The following SRGAP1 variants were observed in gnomAD, a reference collection of about 807,000 sequenced individuals.
The protein encoded by SRGAP1 is SLIT-ROBO Rho GTPase-activating protein 1.
Under a neutral mutation model 121.9 loss-of-function variants are expected in SRGAP1, and 43 were observed. The observed-to-expected ratio is 0.35, with a 90% CI of 0.28 to 0.46. The LOEUF (loss-of-function observed/expected upper bound fraction) is 0.46, where lower values mean the gene tolerates loss of function less well. Ranked by LOEUF, SRGAP1 falls within the 20% of genes least tolerant of loss-of-function variation. The pLI, the probability that SRGAP1 is intolerant of heterozygous loss-of-function variation, is 1.00. For missense variants in SRGAP1, 1,102 were observed against 1,350.9 expected (o/e 0.82, Z 2.89); for synonymous variants, 447 against 485.4 (o/e 0.92, Z 1.04).
chr12:63,904,922 G>C (rs1308861682), intron 1 of SRGAP1, among the ~76,000 whole-genome samples: 1 of 152,032 alleles, frequency 6.6e-6, no homozygotes, highest in Non-Finnish European at 1.5e-5. Flanking sequence ...TGACAGAGCA[G>C]GACCCTGTCT....
At chr12:63,900,855 C>T (rs2029893778) in intron 1 of SRGAP1, among the ~76,000 whole-genome samples, 1 of 152,014 alleles carries the variant, frequency 6.6e-6, no homozygotes, top group Non-Finnish European at 1.5e-5. Flanking sequence ...GGGTTTTGTA[C>T]TATCAAACCT....
intron 1 of SRGAP1, among the ~76,000 whole-genome samples, chr12:63,909,470 T>C (rs943933962): frequency 1.3e-5 from 2 of 152,258 alleles, no homozygotes; most frequent in Admixed American, 1.3e-4. Context: ...TTCAATTGTA[T>C]GTGCTTTTTC....
At chr12:64,113,094 A>T (rs1220445359) in intron 17 of SRGAP1, among the ~76,000 whole-genome samples, 1 of 151,690 alleles carries the variant, frequency 6.6e-6, no homozygotes, top group Non-Finnish European at 1.5e-5. Flanking sequence ...CAACAAAACA[A>T]GACCCTGTCT....
chr12:63,955,044 G>C (rs2032420642), intron 1 of SRGAP1, among the ~76,000 whole-genome samples: 1 of 152,234 alleles, frequency 6.6e-6, no homozygotes, highest in East Asian at 1.9e-4. Flanking sequence ...AAGGCCCGGC[G>C]CGGTGGCTCG....
intron 1 of SRGAP1, among the ~76,000 whole-genome samples, chr12:63,853,469 T>A (rs552955543): frequency 6.6e-6 from 1 of 152,366 alleles, no homozygotes; most frequent in Admixed American, 6.5e-5. Flanking sequence ...CATGCAATGT[T>A]ATGCAGTCTT....
intron 1 of SRGAP1, among the ~76,000 whole-genome samples, chr12:63,854,882 C>T (rs546668310): frequency 1.3e-5 from 2 of 152,304 alleles, no homozygotes; most frequent in South Asian, 4.1e-4. Context: ...GGTGTACTTG[C>T]TGGGTCACTG....
intron 15 of SRGAP1, among the ~76,000 whole-genome samples, chr12:64,108,265 T>C (rs1334649400): frequency 6.6e-6 from 1 of 152,162 alleles, no homozygotes; most frequent in Non-Finnish European, 1.5e-5. Flanking sequence ...ATAACACTAG[T>C]CTCAGGTAAT....
intron 1 of SRGAP1, among the ~76,000 whole-genome samples, chr12:63,977,432 C>T (rs144398821): frequency 2.0e-5 from 3 of 152,218 alleles, no homozygotes; most frequent in Non-Finnish European, 2.9e-5. Context: ...ATCACACCAG[C>T]GTATCAATTT....
chr12:64,142,057 TAGGA>T (rs909256020), intron 21 of SRGAP1, among the ~76,000 whole-genome samples: 8 of 152,178 alleles, frequency 5.3e-5, no homozygotes, highest in Non-Finnish European at 8.8e-5. Context: ...CTTAGGGCCT[TAGGA>T]AGGCCATTGT....
chr12:63,846,715 G>A (rs1898913672), intron 1 of SRGAP1, among the ~76,000 whole-genome samples: 1 of 152,054 alleles, frequency 6.6e-6, no homozygotes, highest in South Asian at 2.1e-4. Context: ...AGTCTTCACT[G>A]CACCTGCCCT....
rs540873699 is a variant in SRGAP1, at chr12:63,855,269, C to T, written c.67+10386C>T. On this transcript the variant is annotated intron_variant, in intron 1 of 21. Transcript: ENST00000355086. ...ATCAGCCTTAAGGAGCACATGTCCA[C>T]GGTTTTCAAACCCAGCCCTTACTAG... is the stretch of plus-strand genomic sequence containing the variant. Among the ~76,000 whole-genome samples the T allele has an allele frequency of 1.1e-3, 168 of 152,162 alleles. 1 individual carries two copies. Among genetic ancestry groups the T allele is most frequent in the African/African-American group, 3.6e-3 (151 of 41,514 alleles).
At chr12:64,003,397 T>C (rs1485998174) in intron 3 of SRGAP1, among the ~76,000 whole-genome samples, 1 of 151,344 alleles carries the variant, frequency 6.6e-6, no homozygotes, top group Non-Finnish European at 1.5e-5. Context: ...ACAAAGACTT[T>C]TAATAAAGCA....
In SRGAP1 at chr12:64,152,976, C is replaced by G. The variant is rs2037133644; in HGVS notation, c.*10304C>G. On this transcript the variant is annotated 3_prime_UTR_variant, in exon 22 of 22. Transcript: ENST00000355086. ...AACAGCTAAACCGGCAAAATAATTTCAGGTGTTGATAACTGCTACAAAAAG... is the reference window on the plus strand; with the variant it reads ...AACAGCTAAACCGGCAAAATAATTTGAGGTGTTGATAACTGCTACAAAAAG... The G allele has an allele frequency of 7.0e-6, 1 of 143,582 alleles. No individual in the cohort carries two copies. Among genetic ancestry groups the G allele is most frequent in the African/African-American group, 2.6e-5 (1 of 38,392 alleles). The allele number at this position is 143,582 out of a possible 1,614,324, so 8.9% of individuals were successfully genotyped here.
intron 1 of SRGAP1, among the ~76,000 whole-genome samples, chr12:63,971,336 C>T (rs2032941729): frequency 6.6e-6 from 1 of 152,094 alleles, no homozygotes. Context: ...CTGGGAGGCC[C>T]CAAGGTAAAG....
At chr12:64,065,992 T>G (rs546035283) in intron 8 of SRGAP1, among the ~76,000 whole-genome samples, 6 of 152,120 alleles carry the variant, frequency 3.9e-5, no homozygotes, top group Admixed American at 3.9e-4. Context: ...ATTAACTTAC[T>G]TGAATTCACG....
intron 1 of SRGAP1, among the ~76,000 whole-genome samples, chr12:63,870,791 T>TCACAATATTCCTC (rs1375077523): frequency 6.6e-6 from 1 of 152,116 alleles, no homozygotes; most frequent in Non-Finnish European, 1.5e-5. Context: ...TCCGCCTGCC[T>TCACAATATTCCTC]CACAATATTC....
At chr12:64,137,557 T>C (rs2036875358) in intron 21 of SRGAP1, among the ~76,000 whole-genome samples, 1 of 152,192 alleles carries the variant, frequency 6.6e-6, no homozygotes, top group Non-Finnish European at 1.5e-5. Context: ...AGCAAATTAA[T>C]GGAATGCCTA....
intron 6 of SRGAP1, 72 bp from the exon 7 acceptor site, chr12:64,062,845 G>A (rs1565663148): frequency 2.6e-6 from 3 of 1,146,320 alleles, no homozygotes; most frequent in South Asian, 1.5e-5. Flanking sequence ...TTTTATAGCT[G>A]TAGGTCTCAC....
At chr12:63,915,471 A>C (rs912893948) in intron 1 of SRGAP1, among the ~76,000 whole-genome samples, 3 of 152,226 alleles carry the variant, frequency 2.0e-5, no homozygotes, top group Non-Finnish European at 4.4e-5. Context: ...TAATTTGATA[A>C]AAAATTATGA....
Sources: allele counts gnomAD v4.1 joint callset (sites outside exome capture counted in the v4.1 genomes callset), GRCh38; gene constraint gnomAD v4.1.1; transcripts MANE v1.5; gene names NCBI Gene and HGNC (gene_info 2026-07-23, HGNC 2026-07-21).